PDE10A: variants seen among roughly 807,000 people sequenced by gnomAD.
PDE10A encodes phosphodiesterase 10A.
PDE10A carries 39 observed loss-of-function variants against 97.7 expected under a neutral mutation model. The ratio of observed to expected loss-of-function variants is 0.40; its 90% CI spans 0.31 to 0.52. The LOEUF is 0.52. Among genes scored for constraint, PDE10A ranks in the 20% least tolerant of loss-of-function variants. PDE10A has a pLI of 0.56. For missense variants in PDE10A, 731 were observed against 1,047.8 expected (o/e 0.70, Z 4.17); for synonymous variants, 371 against 376.8 (o/e 0.98, Z 0.18).
intron 1 of PDE10A, among the ~76,000 whole-genome samples, chr6:165,787,004 T>A (rs1778515115): frequency 6.6e-6 from 1 of 152,194 alleles, no homozygotes; most frequent in South Asian, 2.1e-4. Flanking sequence ...AAGTGAGTAA[T>A]TAAATATATT....
chr6:165,359,082 C>T (rs1783218652), intron 18 of PDE10A, among the ~76,000 whole-genome samples: 1 of 152,026 alleles, frequency 6.6e-6, no homozygotes, highest in African/African-American at 2.4e-5. Context: ...TTAATCACTA[C>T]ATATGATACA....
intron 1 of PDE10A, among the ~76,000 whole-genome samples, chr6:165,637,702 C>G (rs1164767355): frequency 6.6e-6 from 1 of 152,138 alleles, no homozygotes; most frequent in East Asian, 1.9e-4. Context: ...AAAAGAAAGG[C>G]AAGGACAGGG....
chr6:165,336,313 T>C lies in PDE10A; in HGVS notation c.2977-102A>G. On this transcript the variant is annotated intron_variant, in intron 20 of 21. Transcript: ENST00000539869. ...TGACTGTTCTGTTTCTGAGGCCTAA[T>C]TATAAAATTGCATGTTCTAGTTTTG... is the stretch of plus-strand genomic sequence containing the variant. The C allele has an allele frequency of 6.5e-6, 5 of 769,950 alleles. No homozygotes were observed. The South Asian group carries it at 6.6e-5, about 10-fold the overall frequency. The allele number at this position is 769,950 out of a possible 1,614,324, so 47.7% of individuals were successfully genotyped here. A position where few individuals can be genotyped will look rare whatever the true frequency, so the allele number is the denominator to read the frequency against.
intron 1 of PDE10A, among the ~76,000 whole-genome samples, chr6:165,700,850 G>A (rs9459486): frequency 5.9e-5 from 9 of 152,268 alleles, no homozygotes; most frequent in South Asian, 4.1e-4. Context: ...GTTATCATGC[G>A]GGTGATTTTA....
intron 1 of PDE10A, among the ~76,000 whole-genome samples, chr6:165,863,709 T>C (rs370578817): frequency 6.6e-6 from 1 of 152,344 alleles, no homozygotes; most frequent in East Asian, 1.9e-4. Flanking sequence ...CAAAAATGAA[T>C]ATAGATGATA....
chr6:165,864,829 A>T (rs888326327), intron 1 of PDE10A, among the ~76,000 whole-genome samples: 1 of 152,238 alleles, frequency 6.6e-6, no homozygotes, highest in Non-Finnish European at 1.5e-5. Flanking sequence ...TCAAATGAAG[A>T]ATTTCAATAA....
chr6:165,853,667 C>T (rs1284473090), intron 1 of PDE10A, among the ~76,000 whole-genome samples: 1 of 152,196 alleles, frequency 6.6e-6, no homozygotes, highest in Non-Finnish European at 1.5e-5. Flanking sequence ...GCTAATTTAA[C>T]AGGTGATAGA....
At chr6:165,480,375 C>T (rs1463798848) in intron 3 of PDE10A, among the ~76,000 whole-genome samples, 1 of 151,914 alleles carries the variant, frequency 6.6e-6, no homozygotes, top group Non-Finnish European at 1.5e-5. Flanking sequence ...ATCACTTGAG[C>T]CCAGGAGTTC....
intron 1 of PDE10A, among the ~76,000 whole-genome samples, chr6:165,740,874 G>A (rs1792704597): frequency 6.6e-6 from 1 of 152,142 alleles, no homozygotes; most frequent in Non-Finnish European, 1.5e-5. Context: ...GGGGCTGGAG[G>A]AAAAGAAGAT....
chr6:165,844,265 G>T (rs545909527), intron 1 of PDE10A, among the ~76,000 whole-genome samples: 2 of 152,208 alleles, frequency 1.3e-5, no homozygotes, highest in Admixed American at 1.3e-4. Context: ...AAGGTCAGAG[G>T]GCCTCAGAAT....
At chr6:165,408,602 C>G (rs1345405438) in intron 13 of PDE10A, among the ~76,000 whole-genome samples, 3 of 152,092 alleles carry the variant, frequency 2.0e-5, no homozygotes, top group South Asian at 2.1e-4. Context: ...GAGCTATTTT[C>G]TTTTATTTTT....
chr6:165,686,744 GC>G (rs1208665485), intron 1 of PDE10A, among the ~76,000 whole-genome samples: 2 of 152,208 alleles, frequency 1.3e-5, no homozygotes, highest in Non-Finnish European at 2.9e-5. Context: ...TTGGTTGAGA[GC>G]AGAAACACGA....
intron 17 of PDE10A, among the ~76,000 whole-genome samples, 185 bp from the exon 18 acceptor site, chr6:165,379,551 T>C: frequency 6.6e-6 from 1 of 152,240 alleles, no homozygotes; most frequent in Non-Finnish European, 1.5e-5. Context: ...TTTTGGTTTC[T>C]CTTTAAGCTA....
chr6:165,553,213 AT>A (rs1784098344), intron 1 of PDE10A, among the ~76,000 whole-genome samples: 1 of 152,110 alleles, frequency 6.6e-6, no homozygotes, highest in African/African-American at 2.4e-5. Context: ...TAGGCTCTAA[AT>A]TTCTTTTTTT....
intron 1 of PDE10A, among the ~76,000 whole-genome samples, chr6:165,731,309 G>A (rs2128451122): frequency 6.6e-6 from 1 of 152,304 alleles, no homozygotes; most frequent in Non-Finnish European, 1.5e-5. Flanking sequence ...TATGGGGAAA[G>A]TGCTATGGAA....
intron 13 of PDE10A, among the ~76,000 whole-genome samples, chr6:165,407,284 T>C (rs115628719): frequency 0.015 from 2,244 of 152,182 alleles, 66 homozygotes; most frequent in African/African-American, 0.05. Flanking sequence ...CCAGCACACT[T>C]AGCGAGCACG....
chr6:165,625,441 G>A (rs909494692), intron 1 of PDE10A, among the ~76,000 whole-genome samples: 1 of 152,300 alleles, frequency 6.6e-6, no homozygotes, highest in African/African-American at 2.4e-5. Context: ...CTGAGCAAAT[G>A]GAAGAATAGT....
chr6:165,743,866 C>T (rs1183593230), intron 1 of PDE10A, among the ~76,000 whole-genome samples: 1 of 152,212 alleles, frequency 6.6e-6, no homozygotes, highest in East Asian at 1.9e-4. Context: ...CATGTGATCA[C>T]ACCACCTTTA....
At chr6:165,913,146 G>C (rs1782506979) in intron 1 of PDE10A, among the ~76,000 whole-genome samples, 1 of 152,096 alleles carries the variant, frequency 6.6e-6, no homozygotes, top group Admixed American at 6.5e-5. Flanking sequence ...AATAAGTGTT[G>C]TGTTTAGACT....
Sources: allele counts gnomAD v4.1 joint callset (sites outside exome capture counted in the v4.1 genomes callset), GRCh38; gene constraint gnomAD v4.1.1; transcripts MANE v1.5; gene names NCBI Gene and HGNC (gene_info 2026-07-23, HGNC 2026-07-21).